The following IKBIP variants were observed in gnomAD, a reference collection of about 807,000 sequenced individuals.
IKBIP encodes IKBKB interacting protein.
In IKBIP, 28 loss-of-function variants were observed where a neutral mutation model predicts 31.0. The observed-to-expected ratio is 0.90, with a 90% CI of 0.67 to 1.24. The LOEUF is 1.24. Ranked by LOEUF, IKBIP falls within the 50% of genes most tolerant of loss-of-function variation. IKBIP has a pLI of 0.00. For synonymous variants in IKBIP, 164 were observed against 160.3 expected (o/e 1.02, Z -0.17); for missense variants, 453 against 441.9 (o/e 1.03, Z -0.23).
downstream of IKBIP, among the ~76,000 whole-genome samples, chr12:98,622,523 AAATT>A (rs2097610946): frequency 6.6e-6 from 1 of 152,152 alleles, no homozygotes; most frequent in East Asian, 1.9e-4. Context: ...CCCTGTCCCA[AAATT>A]AATTAATAGC....
At position 98,625,286 on chromosome 12, in the gene IKBIP, T is replaced by C; in HGVS notation, c.*644A>G. 1.0e-6 allele frequency: 1 copy of C among 983,360 alleles called. No individual in the cohort carries two copies. The highest frequency in any genetic ancestry group is 1.2e-6 in the Non-Finnish European group (1 of 828,028). The allele number at this position is 983,360 out of a possible 1,614,324, so 60.9% of individuals were successfully genotyped here. ...AGTCTTACAAGTATCTGTAACACAG[T>C]TTAGAACCTTAACAAAAACTAAAAT... On this transcript the variant is annotated 3_prime_UTR_variant, in exon 3 of 3. Coordinates refer to ENST00000299157, the MANE Select transcript of IKBIP (RefSeq NM_153687.4).
Position 98,624,335 on chromosome 12 carries a change from G to C in IKBIP, c.*1595C>G. ...GCACGCAAATAAGAGACATTCAGAAGTCAAGAAGTGTAATTTTAAGACTGC... is the reference window on the plus strand; with the variant it reads ...GCACGCAAATAAGAGACATTCAGAACTCAAGAAGTGTAATTTTAAGACTGC... On this transcript the variant is annotated 3_prime_UTR_variant, in exon 3 of 3. Transcript: ENST00000299157. 3 of 982,470 alleles carry C rather than the reference G, an allele frequency of 3.1e-6. No homozygotes were observed. The highest frequency in any genetic ancestry group is 1.1e-4 in the East Asian group (1 of 8,814). 60.9% of individuals were successfully genotyped at this position (982,470 alleles called of 1,614,324 possible).
chr12:98,621,523 C>T (rs57591670), downstream of IKBIP, among the ~76,000 whole-genome samples: 12,495 of 152,130 alleles, frequency 0.082, 624 homozygotes, highest in East Asian at 0.21. Flanking sequence ...TTTGAGTTAT[C>T]GAGATAGTTC....
intron 2 of IKBIP, among the ~76,000 whole-genome samples, chr12:98,629,903 C>A (rs1299393278): frequency 6.6e-6 from 1 of 152,104 alleles, no homozygotes; most frequent in East Asian, 1.9e-4. Context: ...TTATGGGCCA[C>A]CAACATATTC....
At chr12:98,613,544 C>T (rs376669847) in exon 3 of IKBIP, 78 of 1,000,656 alleles carry the variant, frequency 7.8e-5, no homozygotes, top group Middle Eastern at 2.2e-4. Context: ...TGAGAGGTCC[C>T]ATTAAAAAAA....
chr12:98,633,507 ATTCTT>A (rs2097622961), intron 2 of IKBIP, among the ~76,000 whole-genome samples: 1 of 96,422 alleles, frequency 1.0e-5, no homozygotes, highest in African/African-American at 3.7e-5. Context: ...TTTTTTTTTA[ATTCTT>A]TTTTTTTTTT....
In IKBIP at chr12:98,632,532, T is replaced by A. The variant is rs1243528125; in HGVS notation, c.297+1764A>T. 1.3e-3 allele frequency among the ~76,000 whole-genome samples: 116 copies of A among 92,282 alleles called. 1 individual carries two copies. The highest frequency in any genetic ancestry group is 1.5e-3 in the African/African-American group (34 of 23,122). 60.5% of individuals were successfully genotyped at this position (92,282 alleles called of 152,430 possible). A position where few individuals can be genotyped will look rare whatever the true frequency, so the allele number is the denominator to read the frequency against. ...AAAAAAATATATATATATATATATA[T>A]ATATATATATATATATGAAGTTTCT... On this transcript the variant is annotated intron_variant, in intron 2 of 2. Transcript: ENST00000299157.
In IKBIP at chr12:98,635,741, G is replaced by A. The variant is rs73374743; in HGVS notation, c.180-1328C>T. Among the ~76,000 whole-genome samples, 878 of 152,302 alleles carry A rather than the reference G, an allele frequency of 5.8e-3. 9 individuals are homozygous for A. Among genetic ancestry groups the A allele is most frequent in the African/African-American group, 0.02 (843 of 41,554 alleles). On this transcript the variant is annotated intron_variant, in intron 1 of 2. Coordinates refer to ENST00000299157, the MANE Select transcript of IKBIP (RefSeq NM_153687.4). ...GAGTTGACTGATAAAAAGCAGTGGA[G>A]TAGAAGAGAGAAGTGATAGTAATTA...
intron 1 of IKBIP, 120 bp from the exon 2 acceptor site, chr12:98,634,533 GGTT>G: frequency 2.2e-6 from 1 of 453,362 alleles, no homozygotes; most frequent in East Asian, 4.2e-5. Context: ...GGTAGCTGTA[GGTT>G]TTTTTTTTTT....
At chr12:98,616,925 C>T (rs2097606595) in intron 2 of IKBIP, among the ~76,000 whole-genome samples, 1 of 152,070 alleles carries the variant, frequency 6.6e-6, no homozygotes, top group African/African-American at 2.4e-5. Flanking sequence ...ATGTCTCCAG[C>T]TTTGTTCTTT....
Position 98,625,072 on chromosome 12 carries a change from A to G in IKBIP, c.*858T>C, listed in dbSNP as rs780508242. ...GCCCACCTCGGCCTCCCAAAGTGCTAGGATTACAGGTGTGAGCCACTGCGC... is the reference window on the plus strand; with the variant it reads ...GCCCACCTCGGCCTCCCAAAGTGCTGGGATTACAGGTGTGAGCCACTGCGC... On this transcript the variant is annotated 3_prime_UTR_variant, in exon 3 of 3. Transcript: ENST00000299157. The G allele has an allele frequency of 3.4e-4, 309 of 920,806 alleles. 1 individual carries two copies. Among genetic ancestry groups the G allele is most frequent in the Non-Finnish European group, 3.7e-4 (282 of 771,186 alleles). 57.0% of individuals were successfully genotyped at this position (920,806 alleles called of 1,614,324 possible).
intron 2 of IKBIP, among the ~76,000 whole-genome samples, chr12:98,618,625 CA>C (rs78129850): frequency 3.3e-3 from 423 of 126,798 alleles, no homozygotes; most frequent in Middle Eastern, 4.4e-3. Context: ...GACTCTGTCT[CA>C]AAAAAAAAAA....
rs573661326 is a variant in IKBIP, at chr12:98,629,852, C to G, written c.298-3086G>C. Among the ~76,000 whole-genome samples, 4 of 152,298 alleles carry G rather than the reference C, an allele frequency of 2.6e-5. No homozygotes were observed. In the East Asian group the frequency reaches 5.8e-4, roughly 22 times the overall value. On this transcript the variant is annotated intron_variant, in intron 2 of 2. Coordinates refer to ENST00000299157, the MANE Select transcript of IKBIP (RefSeq NM_153687.4). ...AAGTGCAAGATGTTATAGATTTAAT[C>G]TGCAAATATTTAGTGACTAGTATGC...
intron 1 of IKBIP, among the ~76,000 whole-genome samples, chr12:98,644,212 C>T (rs1424365393): frequency 1.3e-5 from 2 of 152,176 alleles, no homozygotes; most frequent in African/African-American, 4.8e-5. Flanking sequence ...ACGCTTCTGA[C>T]GTGTAGCGGG....
At chr12:98,622,138 G>A (rs1043980313), downstream of IKBIP, among the ~76,000 whole-genome samples, 23 of 151,592 alleles carry the variant, frequency 1.5e-4, no homozygotes, top group Admixed American at 1.1e-3. Flanking sequence ...CTTGACATAC[G>A]TGTGGGTATG....
chr12:98,640,083 G>C (rs1327257473), intron 1 of IKBIP, among the ~76,000 whole-genome samples: 1 of 152,146 alleles, frequency 6.6e-6, no homozygotes, highest in Non-Finnish European at 1.5e-5. Context: ...TATACAACTT[G>C]CTTAAAGAGC....
At chr12:98,614,817 T>C (rs2097605374) in intron 2 of IKBIP, among the ~76,000 whole-genome samples, 1 of 152,200 alleles carries the variant, frequency 6.6e-6, no homozygotes, top group Non-Finnish European at 1.5e-5. Flanking sequence ...TTTAGAACAA[T>C]GTAAGTGAAT....
At chr12:98,629,244 T>G (rs1202059950) in intron 2 of IKBIP, among the ~76,000 whole-genome samples, 1 of 152,214 alleles carries the variant, frequency 6.6e-6, no homozygotes, top group African/African-American at 2.4e-5. Flanking sequence ...AAATGTTGTT[T>G]AAAATTTATT....
At position 98,624,936 on chromosome 12, in the gene IKBIP, C is replaced by T; in HGVS notation, c.*994G>A. 6.9e-6 allele frequency: 2 copies of T among 289,164 alleles called. No homozygotes were observed. Among genetic ancestry groups the T allele is most frequent in the Non-Finnish European group, 5.2e-6 (1 of 193,716 alleles). 17.9% of individuals were successfully genotyped at this position (289,164 alleles called of 1,614,324 possible). ...TCTCCTGCCTCAGCCTCCTGAGTAG[C>T]TGGGACTACAGGCACCCACCACCAC... On this transcript the variant is annotated 3_prime_UTR_variant, in exon 3 of 3. Transcript: ENST00000299157.
Sources: allele counts gnomAD v4.1 joint callset (sites outside exome capture counted in the v4.1 genomes callset), GRCh38; gene constraint gnomAD v4.1.1; transcripts MANE v1.5; gene names NCBI Gene and HGNC (gene_info 2026-07-23, HGNC 2026-07-21).